The following IGF1R variants were observed in gnomAD, a reference collection of about 807,000 sequenced individuals.
IGF1R encodes the protein insulin-like growth factor 1 receptor.
In IGF1R, 44 loss-of-function variants were observed where a neutral mutation model predicts 144.6. The ratio of observed to expected loss-of-function variants is 0.30; its 90% CI spans 0.24 to 0.39. IGF1R has a LOEUF of 0.39. Ranked by LOEUF, IGF1R falls within the 10% of genes least tolerant of loss-of-function variation. The probability of loss-of-function intolerance (pLI) is 1.00; values close to 1 mark genes in which losing one functional copy is unlikely to be tolerated. For missense variants in IGF1R, 1,355 were observed against 1,833.7 expected (o/e 0.74, Z 4.77); for synonymous variants, 795 against 722.8 (o/e 1.10, Z -1.60).
chr15:98,705,271 C>T (rs148565666), intron 1 of IGF1R, among the ~76,000 whole-genome samples: 128 of 152,194 alleles, frequency 8.4e-4, no homozygotes, highest in African/African-American at 3.0e-3. Flanking sequence ...AGTGACACTT[C>T]GACAGTGTCA....
intron 2 of IGF1R, among the ~76,000 whole-genome samples, chr15:98,846,567 C>G (rs1416165845): frequency 1.3e-5 from 2 of 152,132 alleles, no homozygotes; most frequent in Non-Finnish European, 2.9e-5. Context: ...TTCATGATAC[C>G]ACACGGTGAT....
intron 2 of IGF1R, among the ~76,000 whole-genome samples, chr15:98,794,603 C>T (rs1433216278): frequency 6.6e-6 from 1 of 152,164 alleles, no homozygotes; most frequent in Non-Finnish European, 1.5e-5. Context: ...TCTGATTTGT[C>T]TGTGTAAAGT....
intron 13 of IGF1R, among the ~76,000 whole-genome samples, chr15:98,928,385 C>G (rs888733732): frequency 1.8e-4 from 28 of 152,340 alleles, no homozygotes; most frequent in African/African-American, 6.7e-4. Context: ...ACAGTGCCTT[C>G]TCTTACTGCC....
intron 15 of IGF1R, among the ~76,000 whole-genome samples, chr15:98,931,780 C>T (rs1437560904): frequency 3.9e-5 from 6 of 152,056 alleles, no homozygotes; most frequent in Non-Finnish European, 7.4e-5. Flanking sequence ...GAAAGGATTA[C>T]CTGAGCCCAA....
At chr15:98,681,323 T>A (rs2053184098) in intron 1 of IGF1R, among the ~76,000 whole-genome samples, 1 of 152,194 alleles carries the variant, frequency 6.6e-6, no homozygotes, top group South Asian at 2.1e-4. Context: ...CGTTGTTCAG[T>A]TCTTGCTTCT....
intron 2 of IGF1R, among the ~76,000 whole-genome samples, chr15:98,733,424 C>T (rs1243276670): frequency 6.6e-6 from 1 of 151,922 alleles, no homozygotes; most frequent in Non-Finnish European, 1.5e-5. Flanking sequence ...TCAAGTTATC[C>T]TCCCACCTCA....
Position 98,896,769 on chromosome 15 carries a change from C to T in IGF1R, c.966C>T (p.Ile322=), listed in dbSNP as rs950308064. The T allele has an allele frequency of 1.2e-6, 2 of 1,613,758 alleles. No individual in the cohort carries two copies. The change falls in exon 4 of 21, where the codon ATC becomes ATT. Residue 322 remains isoleucine (I), a synonymous_variant. Transcript: ENST00000650285. The part of the protein sequence containing the change: ...IRNGSQSMYC[I]PCEGPCPKVC... The stretch of plus-strand genomic sequence containing the variant: ...TCTTCTTCAACAGCATGTACTGCAT[C>T]CCTTGTGAAGGTCCTTGCCCGAAGG...
chr15:98,755,684 A>G (rs111372393), intron 2 of IGF1R, among the ~76,000 whole-genome samples: 1,803 of 126,268 alleles, frequency 0.014, 38 homozygotes, highest in African/African-American at 0.05. Flanking sequence ...GTGCCACTGC[A>G]CTCCAGCCTG....
intron 1 of IGF1R, among the ~76,000 whole-genome samples, chr15:98,669,651 C>T (rs2141193459): frequency 6.6e-6 from 1 of 152,280 alleles, no homozygotes; most frequent in Admixed American, 6.5e-5. Flanking sequence ...ACACTGTCTT[C>T]CCATTAGGGC....
At chr15:98,917,630 A>G (rs531688224) in intron 10 of IGF1R, among the ~76,000 whole-genome samples, 1 of 152,364 alleles carries the variant, frequency 6.6e-6, no homozygotes, top group South Asian at 2.1e-4. Context: ...CGAACCTTAC[A>G]GTAGAATATT....
rs561702447 is a variant in IGF1R, at chr15:98,818,982, G to C, written c.641-72343G>C. Among the ~76,000 whole-genome samples, 22 of 152,300 alleles carry C rather than the reference G, an allele frequency of 1.4e-4. No individual in the cohort carries two copies. In the South Asian group the frequency reaches 3.3e-3, roughly 23 times the overall value. On this transcript the variant is annotated intron_variant, in intron 2 of 20. Coordinates refer to ENST00000650285, the MANE Select transcript of IGF1R (RefSeq NM_000875.5). ...AGACATTTTGGCTTGGACAGAACAG[G>C]GGGTGGAGGCTTCCATTCCTGAGCT...
chr15:98,782,554 CCTTG>C (rs998576242), intron 2 of IGF1R, among the ~76,000 whole-genome samples: 2 of 151,950 alleles, frequency 1.3e-5, no homozygotes, highest in African/African-American at 4.8e-5. Flanking sequence ...TAATAATTTA[CCTTG>C]CTTATAATTA....
At chr15:98,775,347 G>A (rs899053336) in intron 2 of IGF1R, among the ~76,000 whole-genome samples, 10 of 152,114 alleles carry the variant, frequency 6.6e-5, no homozygotes, top group African/African-American at 2.2e-4. Flanking sequence ...GAGCTTTGAC[G>A]ATTCCAAAGC....
Position 98,929,629 on chromosome 15 carries a change from G to A in IGF1R, c.2854G>A (p.Val952Met), listed in dbSNP as rs2015863286. The A allele has an allele frequency of 6.2e-7, 1 of 1,614,038 alleles. No individual in the cohort carries two copies. Among genetic ancestry groups the A allele is most frequent in the Non-Finnish European group, 8.5e-7 (1 of 1,179,892 alleles). The stretch of plus-strand genomic sequence containing the variant: ...TGTCCTGTTGATCGTGGGAGGGTTG[G>A]TGATTATGCTGTACGTCTTCCATAG... ...VAVLLIVGGL[V>M]IMLYVFHRKR... Residue 952 changes from valine to methionine, a missense_variant, in exon 14 of 21, where the codon GTG becomes ATG. Around this residue, in one of 7 missense-constraint regions of IGF1R, gnomAD observed 880 missense variants for 1,202.7 expected, o/e 0.73. Transcript: ENST00000650285.
Position 98,896,747 on chromosome 15 carries a change from T to C in IGF1R, c.954-10T>C, listed in dbSNP as rs1276532083. The C allele has an allele frequency of 6.2e-7, 1 of 1,613,942 alleles. No homozygotes were observed. The highest frequency in any genetic ancestry group is 8.5e-7 in the Non-Finnish European group (1 of 1,179,914). ...TGTGTGTTTTTGATTTTTTTTTTCT[T>C]CTTCAACAGCATGTACTGCATCCCT... On this transcript the variant is annotated splice_polypyrimidine_tract_variant and intron_variant, in intron 3 of 20. Transcript: ENST00000650285.
At chr15:98,948,055 GA>G (rs1274729594) in intron 19 of IGF1R, among the ~76,000 whole-genome samples, 2 of 152,204 alleles carry the variant, frequency 1.3e-5, no homozygotes, top group African/African-American at 2.4e-5. Flanking sequence ...CCGGCAGTGA[GA>G]ACCACCTGGG....
Position 98,951,613 on chromosome 15 carries a change from C to T in IGF1R, c.3722+2905C>T, listed in dbSNP as rs74032127. On this transcript the variant is annotated intron_variant, in intron 20 of 20. Transcript: ENST00000650285. ...TCGCGGTTGCAGCCCAGCTGTCCGC[C>T]GGGGCTGCAGTCATCTGAAGGCTTG... Among the ~76,000 whole-genome samples, 722 of 152,304 alleles carry T rather than the reference C, an allele frequency of 4.7e-3. 4 individuals are homozygous for T. The highest frequency in any genetic ancestry group is 0.016 in the African/African-American group (678 of 41,560).
intron 2 of IGF1R, among the ~76,000 whole-genome samples, chr15:98,768,333 C>T (rs2055488172): frequency 6.6e-6 from 1 of 151,960 alleles, no homozygotes; most frequent in Admixed American, 6.5e-5. Context: ...AGTGCACAAC[C>T]TGGCCAGGCG....
intron 2 of IGF1R, among the ~76,000 whole-genome samples, chr15:98,842,802 G>A (rs1158978406): frequency 6.6e-6 from 1 of 152,182 alleles, no homozygotes; most frequent in East Asian, 1.9e-4. Context: ...TAGGATTTGT[G>A]CAAGTATTCT....
Sources: gnomAD v4.1 joint callset for allele counts (sites outside exome capture counted in the v4.1 genomes callset) on GRCh38, gnomAD v4.1.1 for gene constraint, gnomAD v4.1.1 regional missense constraint, MANE v1.5 for transcripts, NCBI Gene and HGNC (gene_info 2026-07-23, HGNC 2026-07-21) for gene names.